Variants in MESD observed in about 807,000 individuals in gnomAD.
MESD encodes the protein mesoderm development LRP chaperone, also known as LRP chaperone MESD.
MESD carries 7 observed loss-of-function variants against 12.9 expected under a neutral mutation model. The observed-to-expected ratio is 0.54, with a 90% CI of 0.31 to 1.02. MESD has a LOEUF of 1.02. Among genes scored for constraint, MESD ranks in the 50% least tolerant of loss-of-function variants. The pLI is 0.05. For synonymous variants in MESD, 126 were observed against 115.6 expected, an observed-to-expected ratio of 1.09 and a Z score of -0.58; for missense variants, 342 against 296.7, an observed-to-expected ratio of 1.15 and a Z score of -1.12.
intron 2 of MESD, among the ~76,000 whole-genome samples, chr15:80,981,049 C>T (rs1206363919): frequency 6.6e-6 from 1 of 151,814 alleles, no homozygotes; most frequent in Non-Finnish European, 1.5e-5. Context: ...TGATCTTGAT[C>T]TCCTGACTTC....
downstream of MESD, chr15:80,947,177 G>A (rs1038993657): frequency 3.2e-5 from 23 of 716,798 alleles, no homozygotes; most frequent in South Asian, 9.7e-5. Flanking sequence ...TGTACTAAAC[G>A]TGGGTACAAC....
intron 3 of MESD, among the ~76,000 whole-genome samples, chr15:80,968,107 G>A (rs570818017): frequency 5.9e-5 from 9 of 152,344 alleles, no homozygotes; most frequent in African/African-American, 1.2e-4. Context: ...CCTGCAGACC[G>A]CTTGGACTCT....
At chr15:80,955,552 G>C (rs947284578) in intron 3 of MESD, among the ~76,000 whole-genome samples, 1 of 151,388 alleles carries the variant, frequency 6.6e-6, no homozygotes. Context: ...ATCAGAATCT[G>C]CATTTTAAGA....
chr15:80,960,141 A>T (rs2141789256), intron 3 of MESD, among the ~76,000 whole-genome samples: 1 of 152,324 alleles, frequency 6.6e-6, no homozygotes, highest in Admixed American at 6.5e-5. Context: ...AGGTGGGCAG[A>T]TCACTTGAGC....
At chr15:80,968,659 T>C (rs1902223634) in intron 3 of MESD, among the ~76,000 whole-genome samples, 1 of 151,394 alleles carries the variant, frequency 6.6e-6, no homozygotes, top group African/African-American at 2.4e-5. Flanking sequence ...AAAAATAAAA[T>C]AAAAAAGAAA....
intron 4 of MESD, chr15:80,950,910 C>A (rs924051689): frequency 1.3e-5 from 2 of 152,758 alleles, no homozygotes; most frequent in African/African-American, 4.8e-5. Context: ...GCTCCCTCCA[C>A]CCAACTGCAC....
downstream of MESD, among the ~76,000 whole-genome samples, chr15:80,972,065 T>G (rs1289857187): frequency 6.6e-6 from 1 of 151,342 alleles, no homozygotes; most frequent in Non-Finnish European, 1.5e-5. Context: ...TAGAAAAAAA[T>G]AGAGAGCACA....
rs376089876 is a variant in MESD at position 80,955,267 on chromosome 15, C to T, written c.*289-2971G>A. Among the ~76,000 whole-genome samples the T allele has an allele frequency of 7.2e-3, 1,081 of 149,974 alleles. 16 individuals are homozygous for T. The highest frequency in any genetic ancestry group is 0.025 in the African/African-American group (1,029 of 40,732). On this transcript the variant is annotated intron_variant, in intron 3 of 4. Coordinates refer to the MESD transcript ENST00000561312. ...TTGGGAGGCCGAGGCGGGCGGATCACGAGGTCAGGAGATCGAGACCATCCT... is the reference window on the plus strand; with the variant it reads ...TTGGGAGGCCGAGGCGGGCGGATCATGAGGTCAGGAGATCGAGACCATCCT...
At chr15:80,947,044 G>C (rs1332108272), downstream of MESD, 11 of 1,613,488 alleles carry the variant, frequency 6.8e-6, no homozygotes, top group Non-Finnish European at 8.5e-6. Flanking sequence ...GCTTGGGGCA[G>C]ACAGGGGTCT....
At chr15:80,981,436 CA>C (rs58445538) in intron 2 of MESD, among the ~76,000 whole-genome samples, 3,860 of 48,470 alleles carry the variant, frequency 0.08, 110 homozygotes, top group African/African-American at 0.23. Context: ...GACTCCGTCT[CA>C]AAAAAAAAAA....
rs1318798194 is a variant in MESD, at chr15:80,989,675, C to A, written c.117G>T (p.Gly39=). The A allele has an allele frequency of 6.2e-7, 1 of 1,613,246 alleles. No individual in the cohort carries two copies. The highest frequency in any genetic ancestry group is 1.3e-5 in the African/African-American group (1 of 74,938). ...PGSCAAEGSP[G]TPDESTPPPR... is the part of the protein sequence containing the mutation. Reference sequence around the variant, plus strand: ...GAGGTGGGGTAGACTCGTCGGGCGTCCCGGGCGAGCCTTCGGCCGCGCAGG... The same window carrying A: ...GAGGTGGGGTAGACTCGTCGGGCGTACCGGGCGAGCCTTCGGCCGCGCAGG... The change falls in exon 1 of 3, where the codon GGG becomes GGT. Residue 39 remains glycine (G), a synonymous_variant. Coordinates refer to ENST00000261758, the MANE Select transcript of MESD (RefSeq NM_015154.3).
intron 1 of MESD, among the ~76,000 whole-genome samples, chr15:80,984,552 T>C (rs554778784): frequency 6.6e-6 from 1 of 152,324 alleles, no homozygotes; most frequent in African/African-American, 2.4e-5. Context: ...GATAAATCTG[T>C]TGAGACAGAA....
downstream of MESD, among the ~76,000 whole-genome samples, chr15:80,971,259 C>A (rs1902282602): frequency 6.6e-6 from 1 of 152,172 alleles, no homozygotes; most frequent in Admixed American, 6.5e-5. Flanking sequence ...ACCTGACAGC[C>A]TAGCATAGGA....
intron 3 of MESD, among the ~76,000 whole-genome samples, chr15:80,961,914 A>G (rs1167513841): frequency 2.6e-5 from 4 of 152,258 alleles, no homozygotes; most frequent in Non-Finnish European, 5.9e-5. Flanking sequence ...CATTGACACT[A>G]TGAAGAAACT....
intron 1 of MESD, among the ~76,000 whole-genome samples, chr15:80,983,612 T>C (rs11637878): frequency 0.13 from 19,513 of 152,114 alleles, 1,645 homozygotes; most frequent in Non-Finnish European, 0.17. Context: ...TGGATAAAAA[T>C]ATTTAAAAGA....
intron 1 of MESD, 134 bp downstream of exon 1, chr15:80,989,445 G>T: frequency 9.3e-7 from 1 of 1,078,052 alleles, no homozygotes. Flanking sequence ...GGCTTCAGTG[G>T]GTCAGTAAGG....
chr15:80,958,692 A>C (rs556832375), intron 3 of MESD, among the ~76,000 whole-genome samples: 2 of 152,120 alleles, frequency 1.3e-5, no homozygotes, highest in South Asian at 2.1e-4. Flanking sequence ...GCAAAGAACT[A>C]TCTCTCAGGG....
exon 5 of MESD, chr15:80,947,603 C>A (rs1343392579): frequency 6.4e-6 from 1 of 157,210 alleles, no homozygotes; most frequent in Admixed American, 6.1e-5. Flanking sequence ...CTGGAAGAAG[C>A]CATCCAGGAG....
chr15:80,983,829 C>A (rs1317176933), intron 1 of MESD, among the ~76,000 whole-genome samples: 1 of 147,232 alleles, frequency 6.8e-6, no homozygotes, highest in East Asian at 2.0e-4. Flanking sequence ...ACCCCTCAAA[C>A]AAAATGAGAT....
Sources: gnomAD v4.1 joint callset for allele counts (sites outside exome capture counted in the v4.1 genomes callset) on GRCh38, gnomAD v4.1.1 for gene constraint, MANE v1.5 for transcripts, NCBI Gene and HGNC (gene_info 2026-07-23, HGNC 2026-07-21) for gene names.